The following UBE2Z variants were observed in gnomAD, a reference collection of about 807,000 sequenced individuals.
The protein encoded by UBE2Z is ubiquitin conjugating enzyme E2 Z, also known as ubiquitin-conjugating enzyme E2 Z.
UBE2Z carries 10 observed loss-of-function variants against 32.6 expected under a neutral mutation model. That is an observed-to-expected ratio of 0.31 (90% CI 0.19 to 0.52). The LOEUF is 0.52. Among genes scored for constraint, UBE2Z ranks in the 20% least tolerant of loss-of-function variants. The pLI, the probability that UBE2Z is intolerant of heterozygous loss-of-function variation, is 0.97. For missense variants in UBE2Z, 343 were observed against 480.9 expected (o/e 0.71, Z 2.68); for synonymous variants, 183 against 190.8 (o/e 0.96, Z 0.34).
At chr17:48,908,861 G>T (rs1175032719) in intron 1 of UBE2Z, 41 bp downstream of exon 1, 12 of 1,367,868 alleles carry the variant, frequency 8.8e-6, no homozygotes, top group Non-Finnish European at 1.1e-5. Context: ...GAGCTCCGGG[G>T]CTCGACCTTC....
At chr17:48,920,788 C>T (rs1012607722) in intron 4 of UBE2Z, among the ~76,000 whole-genome samples, 35 of 152,152 alleles carry the variant, frequency 2.3e-4, no homozygotes, top group African/African-American at 8.4e-4. Flanking sequence ...CCTTGGCTTC[C>T]TGAGTAGCTG....
At chr17:48,926,892 C>G in intron 6 of UBE2Z, 72 bp from the exon 7 acceptor site, 1 of 1,495,446 alleles carries the variant, frequency 6.7e-7, no homozygotes, top group Non-Finnish European at 9.0e-7. Flanking sequence ...TTCACATGGG[C>G]CCGAAGTTGC....
intron 4 of UBE2Z, among the ~76,000 whole-genome samples, chr17:48,917,824 A>C (rs867256661): frequency 6.6e-6 from 1 of 152,278 alleles, no homozygotes; most frequent in Middle Eastern, 3.4e-3. Context: ...TTGGAGCCCA[A>C]CTTCTCCCAC....
intron 4 of UBE2Z, among the ~76,000 whole-genome samples, chr17:48,918,982 A>G (rs1380583286): frequency 6.6e-6 from 1 of 152,056 alleles, no homozygotes; most frequent in African/African-American, 2.4e-5. Flanking sequence ...TATGGCCTCA[A>G]GCAGTCTGCC....
intron 4 of UBE2Z, among the ~76,000 whole-genome samples, chr17:48,920,668 A>C (rs975591776): frequency 6.6e-6 from 1 of 152,106 alleles, no homozygotes; most frequent in African/African-American, 2.4e-5. Flanking sequence ...GCTGCACTCC[A>C]GCCTGGGCAA....
At chr17:48,920,823 C>T (rs2040753509) in intron 4 of UBE2Z, among the ~76,000 whole-genome samples, 1 of 152,116 alleles carries the variant, frequency 6.6e-6, no homozygotes, top group African/African-American at 2.4e-5. Context: ...TGCCACCAGG[C>T]TTAGCAACCC....
chr17:48,908,532 C>T lies in UBE2Z; in HGVS notation c.29C>T (p.Ala10Val), dbSNP rs2040646143. ...GCGGAGAGTCCGACTGAGGAGGCGG[C>T]AACGGCGGGCGCCGGGGCGGCGGGC... Reference protein sequence around the residue: MAESPTEEAATAGAGAAGPG... With the variant: MAESPTEEAVTAGAGAAGPG... The change falls in exon 1 of 7, where the codon GCA (alanine) becomes GTA (valine). Residue 10 changes from alanine to valine, a missense_variant. Physicochemically the swap from Ala to Val is moderately conservative, Grantham distance 64. This residue lies in a region of UBE2Z where 103 missense variants were observed against 96.2 expected (regional missense o/e 1.07). Coordinates refer to ENST00000360943, the MANE Select transcript of UBE2Z (RefSeq NM_023079.5). 2.4e-6 allele frequency: 3 copies of T among 1,235,774 alleles called. No individual in the cohort carries two copies. Among genetic ancestry groups the T allele is most frequent in the Non-Finnish European group, 3.0e-6 (3 of 988,616 alleles). 76.6% of individuals were successfully genotyped at this position (1,235,774 alleles called of 1,614,324 possible). A position where few individuals can be genotyped will look rare whatever the true frequency, so the allele number is the denominator to read the frequency against.
chr17:48,913,873 T>C (rs2040699809), intron 3 of UBE2Z, among the ~76,000 whole-genome samples: 1 of 151,626 alleles, frequency 6.6e-6, no homozygotes, highest in South Asian at 2.1e-4. Flanking sequence ...TATGGTTTCA[T>C]TTTTGTTTTG....
chr17:48,911,756 A>G (rs1312524876), intron 2 of UBE2Z: 2 of 152,180 alleles, frequency 1.3e-5, no homozygotes, highest in African/African-American at 4.8e-5. Context: ...CTGGGGTCCC[A>G]GAGTTGATGC....
At chr17:48,921,368 A>G in intron 5 of UBE2Z, 96 bp downstream of exon 5, 2 of 932,696 alleles carry the variant, frequency 2.1e-6, no homozygotes, top group Non-Finnish European at 3.3e-6. Flanking sequence ...AGAGGGAGAT[A>G]GAGAAGAAGG....
intron 4 of UBE2Z, 75 bp downstream of exon 4, chr17:48,916,262 T>TG: frequency 1.5e-6 from 1 of 687,328 alleles, no homozygotes; most frequent in Non-Finnish European, 2.2e-6. Flanking sequence ...TTTTTTGTTT[T>TG]TTTTTTTTTT....
At chr17:48,916,701 T>G (rs1317990994) in intron 4 of UBE2Z, among the ~76,000 whole-genome samples, 1 of 151,750 alleles carries the variant, frequency 6.6e-6, no homozygotes, top group Non-Finnish European at 1.5e-5. Flanking sequence ...TGAAATTTTT[T>G]GCCGACCACT....
intron 3 of UBE2Z, 60 bp downstream of exon 3, chr17:48,913,081 C>A: frequency 6.6e-7 from 1 of 1,526,454 alleles, no homozygotes; most frequent in Admixed American, 1.9e-5. Context: ...TCTAGGTCAG[C>A]CTTTATCAAC....
intron 4 of UBE2Z, 128 bp downstream of exon 4, chr17:48,916,315 G>A (rs1175369293): frequency 7.9e-6 from 4 of 509,394 alleles, no homozygotes; most frequent in Non-Finnish European, 3.2e-6. Flanking sequence ...TAGTGCAGTG[G>A]TGCAATCTCA....
intron 4 of UBE2Z, among the ~76,000 whole-genome samples, chr17:48,920,420 C>G (rs2040751131): frequency 6.6e-6 from 1 of 152,132 alleles, no homozygotes; most frequent in Admixed American, 6.6e-5. Flanking sequence ...TCGCTTGAAC[C>G]CAGGAGGCGG....
At chr17:48,923,022 A>G in intron 6 of UBE2Z, 85 bp downstream of exon 6, 1 of 1,264,164 alleles carries the variant, frequency 7.9e-7, no homozygotes, top group Non-Finnish European at 1.1e-6. Context: ...GACAGCTGTC[A>G]TAGAATGACA....
At chr17:48,918,376 C>T (rs2040735392) in intron 4 of UBE2Z, among the ~76,000 whole-genome samples, 2 of 152,124 alleles carry the variant, frequency 1.3e-5, no homozygotes, top group South Asian at 4.1e-4. Flanking sequence ...CTCCATCACT[C>T]AGGCTGGAGT....
Position 48,910,897 on chromosome 17 carries a change from G to C in UBE2Z, c.390+17G>C, listed in dbSNP as rs763000539. 1 of 1,609,056 alleles carries C rather than the reference G, an allele frequency of 6.2e-7. No individual in the cohort carries two copies. The highest frequency in any genetic ancestry group is 1.7e-5 in the Admixed American group (1 of 59,974). ...ATGACTAAGGTATGTAACTTGATGG[G>C]GGTTTGGGGGGTTTTGGGAAATTGG... On this transcript the variant is annotated intron_variant, in intron 2 of 6. Coordinates refer to ENST00000360943, the MANE Select transcript of UBE2Z (RefSeq NM_023079.5).
intron 4 of UBE2Z, among the ~76,000 whole-genome samples, chr17:48,919,630 C>T (rs1378683543): frequency 3.3e-5 from 5 of 152,142 alleles, no homozygotes; most frequent in Admixed American, 3.3e-4. Flanking sequence ...GTGCACACCA[C>T]CAATGCCCAG....
Sources: allele counts gnomAD v4.1 joint callset (sites outside exome capture counted in the v4.1 genomes callset), GRCh38; gene constraint gnomAD v4.1.1; regional missense constraint gnomAD v4.1.1; transcripts MANE v1.5; gene names NCBI Gene and HGNC (gene_info 2026-07-23, HGNC 2026-07-21).